Variants in TAF5L observed in about 807,000 individuals in gnomAD.
TAF5L encodes TAF5-like RNA polymerase II p300/CBP-associated factor-associated factor 65 kDa subunit 5L.
A neutral mutation model predicts 51.3 loss-of-function variants in TAF5L; 7 were observed. The ratio of observed to expected loss-of-function variants is 0.14; its 90% CI spans 0.08 to 0.26. The LOEUF (loss-of-function observed/expected upper bound fraction) is 0.26. Among genes scored for constraint, TAF5L ranks in the 10% least tolerant of loss-of-function variants. The pLI is 1.00. For synonymous variants in TAF5L, 291 were observed against 308.1 expected, an observed-to-expected ratio of 0.94 and a Z score of 0.58; for missense variants, 575 against 758.9, an observed-to-expected ratio of 0.76 and a Z score of 2.85.
Position 229,594,536 on chromosome 1 carries a change from C to T in TAF5L, c.1531G>A (p.Asp511Asn), listed in dbSNP as rs766623643. 13 of 1,614,130 alleles carry T rather than the reference C, an allele frequency of 8.1e-6. No homozygotes were observed. In the South Asian group the frequency reaches 8.8e-5, roughly 11 times the overall value. ...CTGAAGGTGAGGCTGGTGATATTGT[C>T]TGTGTGGCCTCTCAACTCTTTATAA... is the stretch of plus-strand genomic sequence containing the variant. Residue 511 changes from aspartate (D) to asparagine (N), a missense_variant, in exon 5 of 5, where the codon GAC becomes AAC. Physicochemically the swap from Asp to Asn is conservative, Grantham distance 23. Transcript: ENST00000258281. The surrounding 1 kb of genome is among the most constrained non-coding windows in gnomAD (Gnocchi z 7.9).
intron 1 of TAF5L, among the ~76,000 whole-genome samples, chr1:229,620,416 C>T (rs1665161288): frequency 6.6e-6 from 1 of 152,198 alleles, no homozygotes. Flanking sequence ...AGGCCCTCCT[C>T]ATATGGCCCT....
chr1:229,595,196 G>A (rs1664075809), intron 4 of TAF5L, 102 bp from the exon 5 acceptor site: 4 of 1,232,540 alleles, frequency 3.2e-6, no homozygotes, highest in Non-Finnish European at 4.5e-6. Flanking sequence ...AGAGAACTGA[G>A]ACTGCTTGGG....
In TAF5L at chr1:229,594,057, G is replaced by C. The variant is rs1314093342; in HGVS notation, c.*240C>G. The stretch of plus-strand genomic sequence containing the variant: ...GCAGAGTCTCCATGAGGACTTGTGA[G>C]TGACCTCCAGGGCACTCTAATTCTT... On this transcript the variant is annotated 3_prime_UTR_variant, in exon 5 of 5. Coordinates refer to ENST00000258281, the Ensembl canonical transcript of TAF5L. This position sits in a 1 kb window ranked among gnomAD's most constrained non-coding sequence, Gnocchi z 7.9. 6 of 478,526 alleles carry C rather than the reference G, an allele frequency of 1.3e-5. No individual in the cohort carries two copies. The highest frequency in any genetic ancestry group is 3.8e-5 in the Admixed American group (1 of 26,470). The allele number at this position is 478,526 out of a possible 1,614,324, so 29.6% of individuals were successfully genotyped here.
At chr1:229,610,054 C>T (rs1664732560) in intron 3 of TAF5L, 52 bp downstream of exon 3, 2 of 1,539,956 alleles carry the variant, frequency 1.3e-6, no homozygotes, top group Non-Finnish European at 1.8e-6. Flanking sequence ...CAAAGTTGGT[C>T]TGTATTACTC....
At chr1:229,608,643 T>C (rs115257182) in intron 3 of TAF5L, among the ~76,000 whole-genome samples, 1,928 of 151,598 alleles carry the variant, frequency 0.013, 38 homozygotes, top group African/African-American at 0.045. Context: ...TAAAAAAATA[T>C]GATATTAATC....
At position 229,625,407 on chromosome 1, in the gene TAF5L, A is replaced by G. The variant is rs1665410916; in HGVS notation, c.-4+478T>C. ...CGTGTCACACGCGGAGATCGACTCC[A>G]CACCCACCCACGCACGATCACCATG... is the stretch of plus-strand genomic sequence containing the variant. On this transcript the variant is annotated intron_variant, in intron 1 of 4. Transcript: ENST00000258281. This position sits in a 1 kb window ranked among gnomAD's most constrained non-coding sequence, Gnocchi z 4.0. Among the ~76,000 whole-genome samples the G allele has an allele frequency of 6.6e-6, 1 of 152,100 alleles. No individual in the cohort carries two copies. The highest frequency in any genetic ancestry group is 6.5e-5 in the Admixed American group (1 of 15,280).
chr1:229,613,865 T>G (rs144106122), intron 2 of TAF5L, among the ~76,000 whole-genome samples: 16 of 152,236 alleles, frequency 1.1e-4, no homozygotes, highest in East Asian at 5.8e-4. Context: ...TAAAAAAACT[T>G]CAGGAATGTG....
rs1296826595 is a variant in TAF5L at position 229,595,224 on chromosome 1, C to T, written c.973-130G>A. The T allele has an allele frequency of 1.3e-5, 12 of 947,496 alleles. No individual in the cohort carries two copies. The East Asian group carries it at 3.1e-4, about 24-fold the overall frequency. The allele number at this position is 947,496 out of a possible 1,614,324, so 58.7% of individuals were successfully genotyped here. ...TGCTTGGGAAATAGCATCTATCCAG[C>T]AAATGACAGTGGCCTTGCCCTTGAA... On this transcript the variant is annotated intron_variant, in intron 4 of 4. Coordinates refer to ENST00000258281, the Ensembl canonical transcript of TAF5L.
intron 3 of TAF5L, among the ~76,000 whole-genome samples, chr1:229,603,187 TGCC>T (rs2102746416): frequency 6.6e-6 from 1 of 152,278 alleles, no homozygotes; most frequent in East Asian, 1.9e-4. Flanking sequence ...TTAAGTGACT[TGCC>T]AGAGTTCACA....
chr1:229,609,916 C>T (rs1278723911), intron 3 of TAF5L, among the ~76,000 whole-genome samples, 190 bp downstream of exon 3: 10 of 152,168 alleles, frequency 6.6e-5, no homozygotes, highest in Non-Finnish European at 1.0e-4. Flanking sequence ...AGAGTACCTT[C>T]GAATCCCTAG....
Position 229,602,488 on chromosome 1 carries a change from CG to C in TAF5L, c.678del (p.Asp227ThrfsTer13). 1 of 1,614,084 alleles carries C rather than the reference CG, an allele frequency of 6.2e-7. No individual in the cohort carries two copies. The highest frequency in any genetic ancestry group is 8.5e-7 in the Non-Finnish European group (1 of 1,179,996). On this transcript the variant is annotated frameshift_variant, in exon 4 of 5. Coordinates refer to ENST00000258281, the Ensembl canonical transcript of TAF5L. LOFTEE classifies it high-confidence loss of function. The surrounding 1 kb of genome is among the most constrained non-coding windows in gnomAD (Gnocchi z 4.6). The stretch of plus-strand genomic sequence containing the variant: ...TTCTGCAGAATAGGGCTGGGCATGT[CG>C]GGGGGCTCCAAACCGTTGTTCTCAC...
chr1:229,596,383 C>A (rs190612702), intron 4 of TAF5L, among the ~76,000 whole-genome samples: 36 of 152,258 alleles, frequency 2.4e-4, no homozygotes, highest in Non-Finnish European at 4.7e-4. Flanking sequence ...TAGAAAGGTA[C>A]AGTTACTAGT....
intron 4 of TAF5L, among the ~76,000 whole-genome samples, chr1:229,598,198 A>G (rs1217381305): frequency 6.6e-6 from 1 of 152,212 alleles, no homozygotes; most frequent in Non-Finnish European, 1.5e-5. Flanking sequence ...GGACCAAAAG[A>G]GATGTATGTA....
chr1:229,599,958 T>A (rs906942673), intron 4 of TAF5L: 28 of 985,392 alleles, frequency 2.8e-5, no homozygotes, highest in Non-Finnish European at 3.1e-5. Context: ...TATCATCTCA[T>A]TAATCCATGT....
rs1664387479 is a variant in TAF5L, at chr1:229,601,852, G to C, written c.972+343C>G. ...ATCCTACTACCGATTATTTGTACCTGAGCAAATGTGCACACACATAAGTGT... is the reference window on the plus strand; with the variant it reads ...ATCCTACTACCGATTATTTGTACCTCAGCAAATGTGCACACACATAAGTGT... On this transcript the variant is annotated intron_variant, in intron 4 of 4. Coordinates refer to ENST00000258281, the Ensembl canonical transcript of TAF5L. 3.8e-6 allele frequency: 4 copies of C among 1,053,856 alleles called. No individual in the cohort carries two copies. The South Asian group carries it at 1.0e-4, about 27-fold the overall frequency. 65.3% of individuals were successfully genotyped at this position (1,053,856 alleles called of 1,614,324 possible).
At chr1:229,598,604 G>A (rs1664221441) in intron 4 of TAF5L, among the ~76,000 whole-genome samples, 1 of 151,838 alleles carries the variant, frequency 6.6e-6, no homozygotes, top group African/African-American at 2.4e-5. Context: ...GCAAATCCTT[G>A]GTTTGGTATC....
At chr1:229,618,688 T>G (rs1665093920) in intron 1 of TAF5L, among the ~76,000 whole-genome samples, 1 of 152,208 alleles carries the variant, frequency 6.6e-6, no homozygotes, top group East Asian at 1.9e-4. Flanking sequence ...CTTAAGATGC[T>G]GTCAGTGTGG....
At chr1:229,595,057 A>C in exon 5 of TAF5L, 1 of 1,610,986 alleles carries the variant, frequency 6.2e-7, no homozygotes, top group Non-Finnish European at 8.5e-7. Context: ...GCCCCGCAGT[A>C]TCTTCATCTC....
chr1:229,617,630 C>G lies in TAF5L; in HGVS notation c.-3-3145G>C, dbSNP rs1665054815. ...TGTGAAAGACATGTGAATGACTGAT[C>G]TGGAGAACAGGCTCTGCAATGACAC... On this transcript the variant is annotated intron_variant, in intron 1 of 4. Coordinates refer to ENST00000258281, the Ensembl canonical transcript of TAF5L. Among the ~76,000 whole-genome samples the G allele has an allele frequency of 5.3e-5, 8 of 152,178 alleles. 1 individual carries two copies. In the South Asian group the frequency reaches 1.7e-3, roughly 32 times the overall value.
Sources: allele counts gnomAD v4.1 joint callset (sites outside exome capture counted in the v4.1 genomes callset), GRCh38; gene constraint gnomAD v4.1.1; non-coding constraint Gnocchi (gnomAD v3.1); transcripts MANE v1.5; gene names NCBI Gene and HGNC (gene_info 2026-07-23, HGNC 2026-07-21).